The following WBP1L variants were observed in gnomAD, a reference collection of about 807,000 sequenced individuals.
The protein encoded by WBP1L is WW domain binding protein 1 like.
A neutral mutation model predicts 33.7 loss-of-function variants in WBP1L; 17 were observed. The ratio of observed to expected loss-of-function variants is 0.50; its 90% confidence interval spans 0.34 to 0.76. The LOEUF (loss-of-function observed/expected upper bound fraction) is 0.76, where lower values mean the gene tolerates loss of function less well. Ranked by LOEUF, WBP1L falls within the 30% of genes least tolerant of loss-of-function variation. The pLI is 0.01. For synonymous variants in WBP1L, 173 were observed against 190.8 expected, an observed-to-expected ratio of 0.91 and a Z score of 0.77; for missense variants, 389 against 469.4, an observed-to-expected ratio of 0.83 and a Z score of 1.58.
At chr10:102,764,302 T>C (rs1843081706) in intron 1 of WBP1L, among the ~76,000 whole-genome samples, 1 of 152,202 alleles carries the variant, frequency 6.6e-6, no homozygotes, top group Non-Finnish European at 1.5e-5. Flanking sequence ...CATTAGCTTT[T>C]CTGGGAGGGC....
chr10:102,757,877 C>T (rs1842995913), intron 1 of WBP1L, among the ~76,000 whole-genome samples: 1 of 34,784 alleles, frequency 2.9e-5, no homozygotes, highest in South Asian at 1.4e-3. Flanking sequence ...TACCTGCCCT[C>T]CCCCCCCCCC....
intron 2 of WBP1L, among the ~76,000 whole-genome samples, chr10:102,806,235 T>TA (rs10588358): frequency 6.4e-4 from 93 of 145,190 alleles, no homozygotes; most frequent in African/African-American, 1.8e-3. Context: ...AACAATAAAG[T>TA]AAAAAAAAAA....
chr10:102,797,422 T>C (rs284845), intron 1 of WBP1L, among the ~76,000 whole-genome samples: 152,257 of 152,378 alleles, frequency 1, 76,068 homozygotes, highest in Middle Eastern at 1. Context: ...CTGTCCTGTC[T>C]GAGGAAAACT....
chr10:102,769,127 A>G (rs1015647952), intron 1 of WBP1L, among the ~76,000 whole-genome samples: 2 of 152,284 alleles, frequency 1.3e-5, no homozygotes, highest in Middle Eastern at 3.4e-3. Context: ...TGAACCTACA[A>G]GGTGTACGCC....
intron 1 of WBP1L, chr10:102,776,163 C>G: frequency 7.0e-7 from 1 of 1,420,002 alleles, no homozygotes; most frequent in African/African-American, 1.4e-5. Context: ...AGATATGTCA[C>G]GAGAAGGTGG....
intron 2 of WBP1L, 103 bp downstream of exon 2, chr10:102,798,198 A>C (rs539593717): frequency 2.0e-6 from 2 of 975,648 alleles, no homozygotes; most frequent in Non-Finnish European, 3.2e-6. Context: ...TCTCTTGGGG[A>C]CAGTGTTGGT....
intron 1 of WBP1L, among the ~76,000 whole-genome samples, chr10:102,769,011 G>A (rs1228926487): frequency 1.3e-5 from 2 of 152,018 alleles, no homozygotes; most frequent in African/African-American, 2.4e-5. Context: ...AAGAGAAAAG[G>A]TCTCACTCTG....
At chr10:102,756,063 A>C (rs183694386) in intron 1 of WBP1L, among the ~76,000 whole-genome samples, 113 of 151,852 alleles carry the variant, frequency 7.4e-4, no homozygotes, top group Non-Finnish European at 6.0e-4. Context: ...TATATAGTCT[A>C]TATATAGAGA....
intron 2 of WBP1L, among the ~76,000 whole-genome samples, chr10:102,805,363 G>T (rs989460673): frequency 6.6e-6 from 1 of 151,916 alleles, no homozygotes; most frequent in African/African-American, 2.4e-5. Context: ...GTTAGAAGTT[G>T]GTTTACCTTT....
At chr10:102,811,976 C>T (rs1299335681) in intron 3 of WBP1L, among the ~76,000 whole-genome samples, 2 of 152,196 alleles carry the variant, frequency 1.3e-5, no homozygotes, top group East Asian at 3.8e-4. Flanking sequence ...TTTAATAAGC[C>T]TTGGATGGCA....
chr10:102,800,391 G>C (rs1465761275), intron 2 of WBP1L, among the ~76,000 whole-genome samples: 1 of 107,940 alleles, frequency 9.3e-6, no homozygotes, highest in African/African-American at 2.8e-5. Context: ...GGTCACCAAA[G>C]CCAGGGCAGG....
rs138282716 is a variant in WBP1L at position 102,770,586 on chromosome 10, G to A, written c.90+26443G>A. 1.6e-3 allele frequency among the ~76,000 whole-genome samples: 248 copies of A among 152,316 alleles called. 1 individual carries two copies. The highest frequency in any genetic ancestry group is 5.8e-3 in the African/African-American group (241 of 41,564). The stretch of plus-strand genomic sequence containing the variant: ...TTCCCAAGAGCCATGTCCTAGGAAG[G>A]TCTCCAGCCTATTCCTTGTGTGTGG... On this transcript the variant is annotated intron_variant, in intron 1 of 3. Coordinates refer to ENST00000448841, the MANE Select transcript of WBP1L (RefSeq NM_001083913.2).
At chr10:102,790,630 C>T (rs189420890) in intron 1 of WBP1L, among the ~76,000 whole-genome samples, 1,828 of 152,214 alleles carry the variant, frequency 0.012, 128 homozygotes, top group Admixed American at 0.11. Context: ...CCTGCCTCAG[C>T]GTCCGGAGTA....
rs1221340533 is a variant in WBP1L, at chr10:102,809,916, A to T, written c.217A>T (p.Ile73Phe). 6.2e-7 allele frequency: 1 copy of T among 1,613,182 alleles called. No individual in the cohort carries two copies. The highest frequency in any genetic ancestry group is 8.5e-7 in the Non-Finnish European group (1 of 1,179,676). Residue 73 changes from isoleucine (I) to phenylalanine (F), a missense_variant, in exon 3 of 4, where the codon ATC becomes TTC. Physicochemically the swap from Ile to Phe is conservative, Grantham distance 21. Coordinates refer to ENST00000448841, the MANE Select transcript of WBP1L (RefSeq NM_001083913.2). Reference sequence around the variant, plus strand: ...AGGGTTCTGGCTGGTGTGGACCATCATCATCATCCTGAGCTGCTGCTGTGT... The same window carrying T: ...AGGGTTCTGGCTGGTGTGGACCATCTTCATCATCCTGAGCTGCTGCTGTGT... ...LWWFWLVWTI[I>F]IILSCCCVCH...
At chr10:102,784,468 C>T (rs1270918789) in intron 1 of WBP1L, among the ~76,000 whole-genome samples, 1 of 146,732 alleles carries the variant, frequency 6.8e-6, no homozygotes, top group Non-Finnish European at 1.5e-5. Context: ...CTCTGTCGCC[C>T]AGGCTGGAGT....
At chr10:102,782,560 T>C (rs1843354195) in intron 1 of WBP1L, among the ~76,000 whole-genome samples, 1 of 152,160 alleles carries the variant, frequency 6.6e-6, no homozygotes, top group South Asian at 2.1e-4. Flanking sequence ...TCTTCCTCTC[T>C]AGGGCTTCTT....
chr10:102,749,524 G>T (rs1373602262), intron 1 of WBP1L, among the ~76,000 whole-genome samples: 3 of 151,594 alleles, frequency 2.0e-5, no homozygotes. Flanking sequence ...TGTTGCCCAG[G>T]TGGGTCTAGA....
In WBP1L at chr10:102,768,675, C is replaced by G. The variant is rs1476616385; in HGVS notation, c.90+24532C>G. Among the ~76,000 whole-genome samples the G allele has an allele frequency of 1.1e-4, 2 of 19,040 alleles. 1 individual carries two copies. The highest frequency in any genetic ancestry group is 2.0e-4 in the Non-Finnish European group (2 of 9,922). The allele number at this position is 19,040 out of a possible 152,430, so 12.5% of individuals were successfully genotyped here. ...AAGTGCTGGGATTACAGGCGTGAGC[C>G]ACCGCGCCCGGCCAGTTTTTTTTTT... On this transcript the variant is annotated intron_variant, in intron 1 of 3. Coordinates refer to ENST00000448841, the MANE Select transcript of WBP1L (RefSeq NM_001083913.2).
intron 1 of WBP1L, among the ~76,000 whole-genome samples, chr10:102,785,001 A>T (rs368514607): frequency 6.6e-6 from 1 of 151,370 alleles, no homozygotes; most frequent in East Asian, 2.0e-4. Flanking sequence ...TCAGCATCCC[A>T]GGTAGCTGGG....
Sources: gnomAD v4.1 joint callset for allele counts (sites outside exome capture counted in the v4.1 genomes callset) on GRCh38, gnomAD v4.1.1 for gene constraint, MANE v1.5 for transcripts, NCBI Gene and HGNC (gene_info 2026-07-23, HGNC 2026-07-21) for gene names.